Variants in TTLL5 observed in about 807,000 individuals in gnomAD.
The protein encoded by TTLL5 is tubulin tyrosine ligase like 5.
Under a neutral mutation model 168.4 loss-of-function variants are expected in TTLL5, and 132 were observed. That is an observed-to-expected ratio of 0.78 (90% CI 0.68 to 0.91). TTLL5 has a LOEUF of 0.91. Among genes scored for constraint, TTLL5 ranks in the 40% least tolerant of loss-of-function variants. TTLL5 has a pLI of 0.00. For synonymous variants in TTLL5, 546 were observed against 558.6 expected, an observed-to-expected ratio of 0.98 and a Z score of 0.32; for missense variants, 1,545 against 1,581.5, an observed-to-expected ratio of 0.98 and a Z score of 0.39.
chr14:75,906,817 G>C, intron 31 of TTLL5: 4 of 744,866 alleles, frequency 5.4e-6, no homozygotes, highest in Non-Finnish European at 6.6e-6. Flanking sequence ...CCAAAACTTA[G>C]AAGGATGCTC....
intron 29 of TTLL5, among the ~76,000 whole-genome samples, chr14:75,875,505 G>A (rs547104056): frequency 6.6e-6 from 1 of 151,094 alleles, no homozygotes; most frequent in Admixed American, 6.6e-5. Context: ...TCGTGCCACT[G>A]CACTCCAGCC....
intron 18 of TTLL5, among the ~76,000 whole-genome samples, chr14:75,756,119 C>CG (rs1890246073): frequency 6.6e-6 from 1 of 151,954 alleles, no homozygotes; most frequent in Non-Finnish European, 1.5e-5. Flanking sequence ...CATTTTGAGA[C>CG]TTTCTGATGA....
intron 9 of TTLL5, among the ~76,000 whole-genome samples, chr14:75,713,480 A>G (rs1887234959): frequency 6.6e-6 from 1 of 152,224 alleles, no homozygotes; most frequent in Admixed American, 6.5e-5. Flanking sequence ...CATTTCTCAG[A>G]GCATATCCCC....
chr14:75,732,262 G>C, intron 12 of TTLL5, 76 bp from the exon 13 acceptor site: 1 of 1,323,426 alleles, frequency 7.6e-7, no homozygotes, highest in Non-Finnish European at 1.1e-6. Flanking sequence ...GAGTTAATGA[G>C]ATTGAGTCTT....
At chr14:75,873,287 G>T (rs2031197754) in intron 29 of TTLL5, among the ~76,000 whole-genome samples, 1 of 151,982 alleles carries the variant, frequency 6.6e-6, no homozygotes. Context: ...TGTTAGCCAG[G>T]ATGGTCTCGA....
chr14:75,821,121 T>A (rs985549303), intron 28 of TTLL5, among the ~76,000 whole-genome samples: 1 of 152,178 alleles, frequency 6.6e-6, no homozygotes, highest in Non-Finnish European at 1.5e-5. Context: ...AAAGTATCTA[T>A]TGGTGTTAGA....
intron 28 of TTLL5, among the ~76,000 whole-genome samples, chr14:75,828,910 G>A (rs1417498495): frequency 6.6e-6 from 1 of 152,174 alleles, no homozygotes; most frequent in African/African-American, 2.4e-5. Context: ...TTACAGTAAT[G>A]TTATCCTCAA....
intron 29 of TTLL5, among the ~76,000 whole-genome samples, chr14:75,868,703 A>G (rs1343931972): frequency 1.3e-5 from 2 of 152,186 alleles, no homozygotes; most frequent in African/African-American, 2.4e-5. Context: ...AAACCGAACC[A>G]TGTCTTGTTA....
intron 31 of TTLL5, among the ~76,000 whole-genome samples, chr14:75,924,490 T>G (rs1243582924): frequency 1.3e-5 from 2 of 151,866 alleles, no homozygotes; most frequent in Non-Finnish European, 2.9e-5. Context: ...TGATTCTTAA[T>G]GAGCATGCTG....
intron 29 of TTLL5, among the ~76,000 whole-genome samples, chr14:75,866,408 A>G (rs1248085202): frequency 6.6e-6 from 1 of 151,562 alleles, no homozygotes; most frequent in Non-Finnish European, 1.5e-5. Context: ...TATAACTCAC[A>G]GTGTGGTTAA....
intron 31 of TTLL5, among the ~76,000 whole-genome samples, chr14:75,914,697 C>T (rs1262899008): frequency 1.4e-5 from 2 of 147,144 alleles, no homozygotes; most frequent in African/African-American, 2.5e-5. Context: ...AATCTCGGCT[C>T]ACTGCAAGCT....
intron 9 of TTLL5, chr14:75,710,060 GA>G (rs1283774414): frequency 6.6e-6 from 1 of 151,984 alleles, no homozygotes; most frequent in Non-Finnish European, 1.5e-5. Context: ...TCAAGTTTTA[GA>G]AACTGATTAT....
intron 29 of TTLL5, among the ~76,000 whole-genome samples, chr14:75,868,427 G>A (rs548207912): frequency 2.0e-5 from 3 of 152,230 alleles, no homozygotes; most frequent in South Asian, 2.1e-4. Flanking sequence ...AAAACTGTGC[G>A]TCCTAAATTT....
At chr14:75,701,850 C>G (rs530650795) in intron 7 of TTLL5, among the ~76,000 whole-genome samples, 1 of 152,312 alleles carries the variant, frequency 6.6e-6, no homozygotes, top group South Asian at 2.1e-4. Flanking sequence ...TTGGACTTTT[C>G]TGGCTTCTTT....
At chr14:75,707,171 C>A in intron 8 of TTLL5, 84 bp downstream of exon 8, 1 of 1,031,208 alleles carries the variant, frequency 9.7e-7, no homozygotes, top group Non-Finnish European at 1.5e-6. Context: ...TCTAGTAAGT[C>A]TTTATTATAC....
chr14:75,699,158 C>T (rs1429399183), intron 6 of TTLL5, 30 bp from the exon 7 acceptor site: 1 of 1,578,510 alleles, frequency 6.3e-7, no homozygotes. Context: ...TTTGTTTCCT[C>T]TGTTTTTTAT....
chr14:75,676,359 G>A (rs999563439), intron 3 of TTLL5, among the ~76,000 whole-genome samples: 1 of 152,142 alleles, frequency 6.6e-6, no homozygotes, highest in African/African-American at 2.4e-5. Context: ...AATTTTCAAT[G>A]GCTTAGCAAC....
intron 30 of TTLL5, among the ~76,000 whole-genome samples, chr14:75,891,465 C>T (rs1260918398): frequency 6.6e-6 from 1 of 152,190 alleles, no homozygotes; most frequent in Non-Finnish European, 1.5e-5. Context: ...CAACATTGCC[C>T]TAGACAGCAG....
chr14:75,667,867 T>C (rs1883407433), intron 2 of TTLL5, among the ~76,000 whole-genome samples: 1 of 150,564 alleles, frequency 6.6e-6, no homozygotes, highest in Non-Finnish European at 1.5e-5. Flanking sequence ...TTCAACTGAT[T>C]CTTCTGCCTC....
Sources: gnomAD v4.1 joint callset for allele counts (sites outside exome capture counted in the v4.1 genomes callset) on GRCh38, gnomAD v4.1.1 for gene constraint, MANE v1.5 for transcripts, NCBI Gene and HGNC (gene_info 2026-07-23, HGNC 2026-07-21) for gene names.